GPAT3: variants seen among roughly 807,000 people sequenced by gnomAD.
The protein encoded by GPAT3 is 1-AGP acyltransferase 9.
A neutral mutation model predicts 58.8 loss-of-function variants in GPAT3; 53 were observed. The ratio of observed to expected loss-of-function variants is 0.90; its 90% CI spans 0.72 to 1.13. GPAT3 has a LOEUF of 1.13. Among genes scored for constraint, GPAT3 ranks in the 50% most tolerant of loss-of-function variants. GPAT3 has a pLI of 0.00. For missense variants in GPAT3, 511 were observed against 527.6 expected, an observed-to-expected ratio of 0.97 and a Z score of 0.31; for synonymous variants, 197 against 187.4, an observed-to-expected ratio of 1.05 and a Z score of -0.42.
chr4:83,577,079 A>G (rs916947654), intron 2 of GPAT3, among the ~76,000 whole-genome samples: 3 of 152,236 alleles, frequency 2.0e-5, no homozygotes, highest in Non-Finnish European at 4.4e-5. Flanking sequence ...CACATTCCTT[A>G]CATTGTATTA....
At position 83,536,167 on chromosome 4, in the gene GPAT3, G is replaced by A; in HGVS notation, c.-456G>A. Reference sequence around the variant, plus strand: ...CCGCCGGCGACCGGTGTGCCAAAGTGCGGTGCTCCCGCAGGGAACCTGGCT... The same window carrying A: ...CCGCCGGCGACCGGTGTGCCAAAGTACGGTGCTCCCGCAGGGAACCTGGCT... On this transcript the variant is annotated 5_prime_UTR_variant, in exon 1 of 12. Transcript: ENST00000264409. 1 of 986,148 alleles carries A rather than the reference G, an allele frequency of 1.0e-6. No homozygotes were observed. The highest frequency in any genetic ancestry group is 1.2e-6 in the Non-Finnish European group (1 of 830,406). 61.1% of individuals were successfully genotyped at this position (986,148 alleles called of 1,614,324 possible).
Position 83,598,431 on chromosome 4 carries a change from G to A in GPAT3, c.1126-213G>A, listed in dbSNP as rs757132545. 5.2e-5 allele frequency: 36 copies of A among 691,076 alleles called. 1 individual carries two copies. Among genetic ancestry groups the A allele is most frequent in the Middle Eastern group, 4.1e-4 (1 of 2,458 alleles). 42.8% of individuals were successfully genotyped at this position (691,076 alleles called of 1,614,324 possible). A position where few individuals can be genotyped will look rare whatever the true frequency, so the allele number is the denominator to read the frequency against. On this transcript the variant is annotated intron_variant, in intron 10 of 11. Coordinates refer to ENST00000264409, the MANE Select transcript of GPAT3 (RefSeq NM_032717.5). ...ATCTTGGGTAAGACTAATAAAGAGC[G>A]TAATAAATATATGCACATGGTAAAA...
chr4:83,535,802 T>A, upstream of GPAT3: 2 of 985,440 alleles, frequency 2.0e-6, no homozygotes, highest in Non-Finnish European at 2.4e-6. Flanking sequence ...CGTTTTCCTG[T>A]CCTTGGAAGC....
At position 83,555,562 on chromosome 4, in the gene GPAT3, G is replaced by A. The variant is rs140538636; in HGVS notation, c.208+10960G>A. ...GCTAGGGACCCTTCTGAACCTTGTC[G>A]TCAGTGCAGTATTCATCTGGCTGTT... On this transcript the variant is annotated intron_variant, in intron 2 of 11. Coordinates refer to ENST00000264409, the MANE Select transcript of GPAT3 (RefSeq NM_032717.5). Among the ~76,000 whole-genome samples the A allele has an allele frequency of 1.0e-3, 154 of 152,288 alleles. 2 individuals carry two copies. In the South Asian group the frequency reaches 0.026, roughly 25 times the overall value.
chr4:83,598,554 A>G, intron 10 of GPAT3, 90 bp from the exon 11 acceptor site: 6 of 1,098,966 alleles, frequency 5.5e-6, no homozygotes, highest in Non-Finnish European at 8.2e-6. Context: ...TATGAATCTT[A>G]TATTTTAAAA....
chr4:83,596,634 A>G (rs1726850568), intron 7 of GPAT3, among the ~76,000 whole-genome samples: 1 of 152,128 alleles, frequency 6.6e-6, no homozygotes, highest in Non-Finnish European at 1.5e-5. Flanking sequence ...ACCCACCAAA[A>G]AAAAGAAAAA....
At chr4:83,597,197 G>A (rs569996701) in intron 8 of GPAT3, among the ~76,000 whole-genome samples, 2 of 152,308 alleles carry the variant, frequency 1.3e-5, no homozygotes, top group South Asian at 4.1e-4. Context: ...TTGAGAAGTT[G>A]TTCCCATAGG....
rs1560620758 is a variant in GPAT3, at chr4:83,578,989, C to CTTTCT, written c.209-2571_209-2570insTCTTT. 1.4e-3 allele frequency among the ~76,000 whole-genome samples: 82 copies of CTTTCT among 58,936 alleles called. 3 individuals are homozygous for CTTTCT. Among genetic ancestry groups the CTTTCT allele is most frequent in the Non-Finnish European group, 2.2e-3 (68 of 30,536 alleles). 38.7% of individuals were successfully genotyped at this position (58,936 alleles called of 152,430 possible). ...CTTTCTTTCTTTCTTTCTTTCTTTCCTTCCTTCCTTCCTTCCTTCCTTCTT... is the reference window on the plus strand; with the variant it reads ...CTTTCTTTCTTTCTTTCTTTCTTTCCTTTCTTTCCTTCCTTCCTTCCTTCCTTCTT... On this transcript the variant is annotated intron_variant, in intron 2 of 11. Coordinates refer to ENST00000264409, the MANE Select transcript of GPAT3 (RefSeq NM_032717.5).
intron 2 of GPAT3, among the ~76,000 whole-genome samples, chr4:83,567,083 A>G (rs1336971184): frequency 1.3e-5 from 2 of 152,158 alleles, no homozygotes; most frequent in Admixed American, 6.5e-5. Context: ...TCAGATATTG[A>G]TAGGCTTGCC....
chr4:83,559,445 T>C (rs1341511881), intron 2 of GPAT3, among the ~76,000 whole-genome samples: 1 of 152,094 alleles, frequency 6.6e-6, no homozygotes. Context: ...TGCCTCAGCC[T>C]CCCGAGTAGC....
chr4:83,581,972 A>G (rs1717630), intron 3 of GPAT3, 140 bp downstream of exon 3: 690,462 of 1,138,760 alleles, frequency 0.61, 214,196 homozygotes, highest in African/African-American at 0.87. Flanking sequence ...CATGACCTCT[A>G]AAGGAATGTA....
At chr4:83,582,045 G>A (rs1202187221) in intron 3 of GPAT3, among the ~76,000 whole-genome samples, 1 of 152,144 alleles carries the variant, frequency 6.6e-6, no homozygotes, top group African/African-American at 2.4e-5. Context: ...AGAATCCAAT[G>A]TATATCTTAG....
chr4:83,560,751 C>G (rs1725100132), intron 2 of GPAT3, among the ~76,000 whole-genome samples: 1 of 152,170 alleles, frequency 6.6e-6, no homozygotes, highest in African/African-American at 2.4e-5. Flanking sequence ...TGGTTCAGCA[C>G]CATCCCCATG....
chr4:83,566,627 A>G (rs541347338), intron 2 of GPAT3, among the ~76,000 whole-genome samples: 1 of 151,642 alleles, frequency 6.6e-6, no homozygotes, highest in East Asian at 1.9e-4. Flanking sequence ...TCAGCTTTCT[A>G]TGATACAAGG....
intron 1 of GPAT3, among the ~76,000 whole-genome samples, chr4:83,540,665 G>A (rs961052900): frequency 6.6e-6 from 1 of 152,044 alleles, no homozygotes; most frequent in African/African-American, 2.4e-5. Context: ...CCTTGGTATT[G>A]TCCCTGTTTT....
chr4:83,571,617 T>G (rs930187178), intron 2 of GPAT3, among the ~76,000 whole-genome samples: 1 of 151,590 alleles, frequency 6.6e-6, no homozygotes, highest in Non-Finnish European at 1.5e-5. Context: ...GAAATACTTA[T>G]TAATCAGAAA....
At chr4:83,568,145 T>G (rs1725472335) in intron 2 of GPAT3, among the ~76,000 whole-genome samples, 1 of 152,104 alleles carries the variant, frequency 6.6e-6, no homozygotes, top group Admixed American at 6.6e-5. Context: ...TAAAGTAAAC[T>G]TTACCCTGTT....
In GPAT3 at chr4:83,593,886, G is replaced by T. The variant is rs80257770; in HGVS notation, c.739-959G>T. Among the ~76,000 whole-genome samples, 594 of 151,896 alleles carry T rather than the reference G, an allele frequency of 3.9e-3. 5 individuals carry two copies. Among genetic ancestry groups the T allele is most frequent in the African/African-American group, 0.014 (562 of 41,346 alleles). On this transcript the variant is annotated intron_variant, in intron 6 of 11. Coordinates refer to ENST00000264409, the MANE Select transcript of GPAT3 (RefSeq NM_032717.5). ...GCTCCTTACTGATTTAATTTTTTTT[G>T]AATATGTAGGGTATCAATATGCTTC...
intron 2 of GPAT3, among the ~76,000 whole-genome samples, chr4:83,576,518 A>C (rs1304317732): frequency 6.6e-6 from 1 of 151,830 alleles, no homozygotes; most frequent in East Asian, 1.9e-4. Context: ...ATCTTGGCTC[A>C]TTGTAACCTC....
Sources: gnomAD v4.1 joint callset for allele counts (sites outside exome capture counted in the v4.1 genomes callset) on GRCh38, gnomAD v4.1.1 for gene constraint, MANE v1.5 for transcripts, NCBI Gene and HGNC (gene_info 2026-07-23, HGNC 2026-07-21) for gene names.